SGCZ: variants seen among roughly 807,000 people sequenced by gnomAD.
The protein encoded by SGCZ is sarcoglycan zeta.
In SGCZ, 40 loss-of-function variants were observed where a neutral mutation model predicts 41.3. That is an observed-to-expected ratio of 0.97 (90% CI 0.75 to 1.26). SGCZ has a LOEUF of 1.26. Among genes scored for constraint, SGCZ ranks in the 50% most tolerant of loss-of-function variants. The pLI is 0.00. For missense variants in SGCZ, 552 were observed against 369.8 expected (o/e 1.49, Z -4.04); for synonymous variants, 206 against 137.5 (o/e 1.50, Z -3.49).
At chr8:15,003,206 A>G (rs1802488833) in intron 1 of SGCZ, among the ~76,000 whole-genome samples, 1 of 152,198 alleles carries the variant, frequency 6.6e-6, no homozygotes, top group Non-Finnish European at 1.5e-5. Flanking sequence ...AATTTACTGA[A>G]GGAAAATGGA....
At chr8:14,563,796 C>G (rs1804277426) in intron 1 of SGCZ, among the ~76,000 whole-genome samples, 2 of 152,208 alleles carry the variant, frequency 1.3e-5, no homozygotes, top group African/African-American at 4.8e-5. Flanking sequence ...CCTATTATCT[C>G]TAGTCCAAAT....
chr8:15,083,983 T>C (rs956749928), intron 1 of SGCZ, among the ~76,000 whole-genome samples: 9 of 146,698 alleles, frequency 6.1e-5, no homozygotes, highest in Middle Eastern at 7.0e-3. Flanking sequence ...CAGTTATCAT[T>C]TTGCAAAAAA....
chr8:14,390,543 G>C (rs544402329), intron 2 of SGCZ, among the ~76,000 whole-genome samples: 58 of 151,754 alleles, frequency 3.8e-4, no homozygotes, highest in African/African-American at 1.3e-3. Flanking sequence ...TCAAATAAAA[G>C]AAACACTGAA....
chr8:14,743,994 A>C (rs1411774359), intron 1 of SGCZ, among the ~76,000 whole-genome samples: 1 of 152,094 alleles, frequency 6.6e-6, no homozygotes. Context: ...TGCCTCTTGA[A>C]TTCTCTCCTA....
At chr8:15,176,436 G>C (rs879530860) in intron 1 of SGCZ, among the ~76,000 whole-genome samples, 2 of 152,066 alleles carry the variant, frequency 1.3e-5, no homozygotes, top group Non-Finnish European at 2.9e-5. Flanking sequence ...TAATTGAAAG[G>C]TTTTAAAGAC....
At chr8:14,408,930 T>C (rs372607171) in intron 2 of SGCZ, among the ~76,000 whole-genome samples, 13 of 149,164 alleles carry the variant, frequency 8.7e-5, no homozygotes, top group African/African-American at 3.3e-4. Context: ...TCATAAAAGC[T>C]AACACATTTT....
intron 1 of SGCZ, among the ~76,000 whole-genome samples, chr8:15,224,086 C>A (rs573874512): frequency 2.6e-5 from 4 of 152,098 alleles, no homozygotes; most frequent in Admixed American, 6.6e-5. Context: ...AAACTCCCGA[C>A]CTCAAGTGAT....
intron 1 of SGCZ, among the ~76,000 whole-genome samples, chr8:15,081,920 T>A (rs942559025): frequency 1.3e-5 from 2 of 152,172 alleles, no homozygotes; most frequent in African/African-American, 4.8e-5. Flanking sequence ...ATACTAAAGC[T>A]GCCTAATGGG....
chr8:15,132,623 G>C (rs964080438), intron 1 of SGCZ, among the ~76,000 whole-genome samples: 1 of 152,128 alleles, frequency 6.6e-6, no homozygotes, highest in Non-Finnish European at 1.5e-5. Flanking sequence ...TTGTAACAGT[G>C]ACTTTCTCCA....
intron 1 of SGCZ, among the ~76,000 whole-genome samples, chr8:14,829,603 T>G (rs186691919): frequency 3.7e-4 from 57 of 152,302 alleles, no homozygotes; most frequent in African/African-American, 1.4e-3. Context: ...TGCCTTAAAC[T>G]GAGATAATTT....
intron 1 of SGCZ, among the ~76,000 whole-genome samples, chr8:15,043,343 T>A (rs1408665492): frequency 6.6e-6 from 1 of 152,178 alleles, no homozygotes; most frequent in East Asian, 1.9e-4. Context: ...CTTATATAAT[T>A]TTCAGTTAAT....
intron 5 of SGCZ, among the ~76,000 whole-genome samples, chr8:14,121,688 T>C (rs1802700929): frequency 6.6e-6 from 1 of 152,202 alleles, no homozygotes; most frequent in African/African-American, 2.4e-5. Flanking sequence ...TGACAGTATA[T>C]AGTTTCTCTA....
At chr8:14,519,681 C>T (rs569118569) in intron 2 of SGCZ, among the ~76,000 whole-genome samples, 1 of 152,174 alleles carries the variant, frequency 6.6e-6, no homozygotes, top group East Asian at 1.9e-4. Flanking sequence ...AAAACTCAGT[C>T]TCGGCTGTTC....
chr8:14,752,877 A>G (rs1012042235), intron 1 of SGCZ, among the ~76,000 whole-genome samples: 2 of 152,164 alleles, frequency 1.3e-5, no homozygotes, highest in Non-Finnish European at 2.9e-5. Flanking sequence ...AGAATCATCA[A>G]AGCACTATCT....
intron 1 of SGCZ, among the ~76,000 whole-genome samples, chr8:15,186,340 T>A (rs1800344782): frequency 7.5e-6 from 1 of 132,946 alleles, no homozygotes; most frequent in Admixed American, 7.9e-5. Context: ...AGAGAAATAG[T>A]CTCCAAATAT....
At position 14,902,389 on chromosome 8, in the gene SGCZ, C is replaced by A. The variant is rs1230594385; in HGVS notation, c.39+335196G>T. 1.8e-4 allele frequency among the ~76,000 whole-genome samples: 27 copies of A among 152,142 alleles called. 1 individual carries two copies. The highest frequency in any genetic ancestry group is 1.8e-3 in the Admixed American group (27 of 15,256). ...CCCTGCGACTTGGTCAGAGTGATCT[C>A]TTGCATTATCCAATGCCTCTGTCTC... On this transcript the variant is annotated intron_variant, in intron 1 of 7. Transcript: ENST00000382080.
chr8:14,177,816 G>A (rs930547305), intron 4 of SGCZ, among the ~76,000 whole-genome samples: 3 of 148,010 alleles, frequency 2.0e-5, no homozygotes, highest in African/African-American at 7.4e-5. Flanking sequence ...GAGCCACTGC[G>A]CCCGGCCCTC....
chr8:14,628,227 T>A (rs958104741), intron 1 of SGCZ, among the ~76,000 whole-genome samples: 4 of 152,084 alleles, frequency 2.6e-5, no homozygotes, highest in South Asian at 2.1e-4. Context: ...CTAAAAAAGA[T>A]CCCATCTTGA....
chr8:14,728,008 A>C (rs1336354850), intron 1 of SGCZ, among the ~76,000 whole-genome samples: 1 of 152,188 alleles, frequency 6.6e-6, no homozygotes, highest in Non-Finnish European at 1.5e-5. Flanking sequence ...AAGATTACCT[A>C]CTTGATGCGT....
Sources: gnomAD v4.1 joint callset for allele counts (sites outside exome capture counted in the v4.1 genomes callset) on GRCh38, gnomAD v4.1.1 for gene constraint, MANE v1.5 for transcripts, NCBI Gene and HGNC (gene_info 2026-07-23, HGNC 2026-07-21) for gene names.